MUC5AC: variants seen among roughly 807,000 people sequenced by gnomAD.
MUC5AC encodes the protein mucin 5AC, oligomeric mucus/gel-forming, also known as mucin-5AC.
A neutral mutation model predicts 169.7 loss-of-function variants in MUC5AC; 158 were observed. That is an observed-to-expected ratio of 0.93 (90% confidence interval 0.82 to 1.06). The LOEUF (loss-of-function observed/expected upper bound fraction) is 1.06. MUC5AC is among the 50% of genes least tolerant of loss of function. MUC5AC has a pLI of 0.00. For synonymous variants in MUC5AC, 1,975 were observed against 1,237.0 expected, an observed-to-expected ratio of 1.60 and a Z score of -12.52; for missense variants, 4,359 against 3,089.9, an observed-to-expected ratio of 1.41 and a Z score of -9.74.
intron 15 of MUC5AC, among the ~76,000 whole-genome samples, chr11:1,171,817 C>A (rs934407700): frequency 6.7e-6 from 1 of 148,338 alleles, no homozygotes; most frequent in African/African-American, 2.5e-5. Flanking sequence ...TTCACTCACT[C>A]ACCCACTCAC....
intron 31 of MUC5AC, 105 bp from the exon 32 acceptor site, chr11:1,192,678 T>C: frequency 2.9e-6 from 2 of 686,770 alleles, no homozygotes; most frequent in Non-Finnish European, 5.3e-6. Flanking sequence ...TGAAATTTTT[T>C]CCCATTACAC....
rs766697189 is a variant in MUC5AC, at chr11:1,196,047, C to T, written c.15630C>T (p.His5210=). 1.3e-6 allele frequency: 1 copy of T among 764,248 alleles called. No individual in the cohort carries two copies. Among genetic ancestry groups the T allele is most frequent in the South Asian group, 1.3e-5 (1 of 74,522 alleles). The allele number at this position is 764,248 out of a possible 1,614,324, so 47.3% of individuals were successfully genotyped here. ...ICIDWRGRTG[H]MCPFTCPADK... is the part of the protein sequence containing the mutation. ...TCGATTGGAGAGGCCGGACCGGCCA[C>T]ATGTGCCGTGAGTGCCACCACTGTC... The change falls in exon 37 of 49, where the codon CAC becomes CAT. Residue 5210 remains histidine, a synonymous_variant. Transcript: ENST00000621226.
intron 1 of MUC5AC, among the ~76,000 whole-genome samples, chr11:1,159,638 C>T (rs1254980358): frequency 1.1e-5 from 1 of 91,498 alleles, no homozygotes; most frequent in African/African-American, 4.5e-5. Flanking sequence ...ACCATGCTGG[C>T]TCTGTGCAGG....
intron 30 of MUC5AC, among the ~76,000 whole-genome samples, chr11:1,181,943 T>C (rs1210945915): frequency 2.0e-5 from 3 of 152,224 alleles, no homozygotes; most frequent in Non-Finnish European, 2.9e-5. Context: ...GCTCAGGGCA[T>C]GGCCTGGGAG....
At chr11:1,161,340 G>A (rs1305030161) in intron 2 of MUC5AC, among the ~76,000 whole-genome samples, 187 bp from the exon 3 acceptor site, 5 of 146,986 alleles carry the variant, frequency 3.4e-5, no homozygotes, top group Admixed American at 6.8e-5. Context: ...AACGCAGGGT[G>A]TGTGGTCACA....
Position 1,189,455 on chromosome 11 carries a change from T to C in MUC5AC, c.11310T>C (p.Ala3770=). 1 of 553,034 alleles carries C rather than the reference T, an allele frequency of 1.8e-6. No individual in the cohort carries two copies. 34.3% of individuals were successfully genotyped at this position (553,034 alleles called of 1,614,324 possible). A position where few individuals can be genotyped will look rare whatever the true frequency, so the allele number is the denominator to read the frequency against. The change falls in exon 31 of 49, where the codon GCT becomes GCC. Residue 3770 remains alanine, a synonymous_variant. Transcript: ENST00000621226. The part of the protein sequence containing the change: ...TTSAPTSTSS[A]PTTNTTSAPT... ...CAGCTCCTACGAGCACTTCCTCGGC[T>C]CCTACAACCAACACAACCTCTGCCC...
rs1307620547 is a variant in MUC5AC at position 1,182,777 on chromosome 11, A to G, written c.4632A>G (p.Pro1544=). ...KKTFSTPSPP[P]VPATSTSSMS... ...CTTTCTCAACTCCCAGCCCTCCGCCAGTGCCGGCAACATCAACATCATCCA... is the reference window on the plus strand; with the variant it reads ...CTTTCTCAACTCCCAGCCCTCCGCCGGTGCCGGCAACATCAACATCATCCA... The change falls in exon 31 of 49, where the codon CCA becomes CCG. Residue 1544 remains proline, a synonymous_variant. Transcript: ENST00000621226. 1 of 398,056 alleles carries G rather than the reference A, an allele frequency of 2.5e-6. No individual in the cohort carries two copies. The highest frequency in any genetic ancestry group is 3.6e-5 in the East Asian group (1 of 28,000). The allele number at this position is 398,056 out of a possible 1,614,324, so 24.7% of individuals were successfully genotyped here. A position where few individuals can be genotyped will look rare whatever the true frequency, so the allele number is the denominator to read the frequency against.
Position 1,188,806 on chromosome 11 carries a change from G to C in MUC5AC, c.10661G>C (p.Gly3554Ala). The C allele has an allele frequency of 2.7e-6, 2 of 754,188 alleles. No individual in the cohort carries two copies. Among genetic ancestry groups the C allele is most frequent in the Non-Finnish European group, 2.4e-6 (1 of 411,872 alleles). 46.7% of individuals were successfully genotyped at this position (754,188 alleles called of 1,614,324 possible). The part of the protein sequence containing the change: ...KETYNNIIRS[G>A]EKICRRPEEI... ...ACCTACAACAACATCATCAGGAGTGGGGAAAAAATCTGCCGCCGACCTGAG... is the reference window on the plus strand; with the variant it reads ...ACCTACAACAACATCATCAGGAGTGCGGAAAAAATCTGCCGCCGACCTGAG... Residue 3554 changes from glycine (G) to alanine (A), a missense_variant, in exon 31 of 49, where the codon GGG becomes GCG. Physicochemically the swap from Gly to Ala is moderately conservative, Grantham distance 60 (BLOSUM62 0). Coordinates refer to ENST00000621226, the MANE Select transcript of MUC5AC (RefSeq NM_001304359.2).
intron 1 of MUC5AC, among the ~76,000 whole-genome samples, chr11:1,159,890 GGGGC>G (rs1860085398): frequency 2.9e-5 from 4 of 136,278 alleles, no homozygotes; most frequent in Non-Finnish European, 6.4e-5. Flanking sequence ...GTGTGGGGCT[GGGGC>G]TGGTCCCACC....
At position 1,197,636 on chromosome 11, in the gene MUC5AC, T is replaced by A; in HGVS notation, c.16030T>A (p.Cys5344Ser). Reference protein sequence around the residue: ...QAGQCCPQYSCACNTSRCPAP... With the variant: ...QAGQCCPQYSSACNTSRCPAP... ...CGGCCAGTGCTGCCCCCAGTACAGCTGCGGTAAGCCCTTTGCTGGGTGAGG... is the reference window on the plus strand; with the variant it reads ...CGGCCAGTGCTGCCCCCAGTACAGCAGCGGTAAGCCCTTTGCTGGGTGAGG... The change falls in exon 41 of 49, where the codon TGC becomes AGC. Residue 5344 changes from cysteine (C) to serine (S), a missense_variant. Coordinates refer to ENST00000621226, the MANE Select transcript of MUC5AC (RefSeq NM_001304359.2). 1.4e-6 allele frequency: 1 copy of A among 712,420 alleles called. No homozygotes were observed. The highest frequency in any genetic ancestry group is 1.5e-5 in the South Asian group (1 of 68,244). 44.1% of individuals were successfully genotyped at this position (712,420 alleles called of 1,614,324 possible).
At position 1,189,354 on chromosome 11, in the gene MUC5AC, A is replaced by G. The variant is rs1165419636; in HGVS notation, c.11209A>G (p.Ile3737Val). 1.6e-5 allele frequency: 9 copies of G among 569,670 alleles called. No homozygotes were observed. Among genetic ancestry groups the G allele is most frequent in the African/African-American group, 5.6e-5 (3 of 53,110 alleles). The allele number at this position is 569,670 out of a possible 1,614,324, so 35.3% of individuals were successfully genotyped here. The change falls in exon 31 of 49, where the codon ATC becomes GTC. Residue 3737 changes from isoleucine to valine, a missense_variant. Ile to Val is a conservative substitution (Grantham distance 29). Transcript: ENST00000621226. ...STTSAPTTST[I>V]SAPTTSTISA... ...AACCTCGGCTCCTACCACCAGCACA[A>G]TCTCTGCCCCTACAACCAGCACAAT...
intron 16 of MUC5AC, 120 bp downstream of exon 16, chr11:1,172,643 G>A: frequency 2.5e-6 from 1 of 397,908 alleles, no homozygotes; most frequent in Non-Finnish European, 4.4e-6. Context: ...TCTAGGCTGT[G>A]ATGGGCACCA....
intron 46 of MUC5AC, 80 bp downstream of exon 46, chr11:1,199,570 C>T (rs28502687): frequency 0.57 from 394,184 of 692,664 alleles, 114,724 homozygotes; most frequent in East Asian, 0.65. Flanking sequence ...ATCCCTGCAG[C>T]GCCAGCAGAC....
In MUC5AC at chr11:1,193,506, C is replaced by A; in HGVS notation, c.14602C>A (p.Pro4868Thr). ...GCAGAAAGGTGAGACCTGGGCCACA[C>A]CCAACTGCTCCGAGGCCACCTGTGA... ...PRKKGETWAT[P>T]NCSEATCEGN... Residue 4868 changes from proline to threonine, a missense_variant, in exon 33 of 49, where the codon CCC becomes ACC. Physicochemically the swap from Pro to Thr is conservative, Grantham distance 38. Transcript: ENST00000621226. The A allele has an allele frequency of 1.3e-6, 1 of 750,078 alleles. No individual in the cohort carries two copies. Among genetic ancestry groups the A allele is most frequent in the Non-Finnish European group, 2.4e-6 (1 of 411,120 alleles). The allele number at this position is 750,078 out of a possible 1,614,324, so 46.5% of individuals were successfully genotyped here.
At chr11:1,160,235 C>G (rs982383989) in intron 1 of MUC5AC, among the ~76,000 whole-genome samples, 1 of 152,244 alleles carries the variant, frequency 6.6e-6, no homozygotes. Flanking sequence ...TTGACTGCTC[C>G]AGCCCCTCAG....
chr11:1,197,383 C>T, intron 40 of MUC5AC, 85 bp from the exon 41 acceptor site: 1 of 673,748 alleles, frequency 1.5e-6, no homozygotes, highest in African/African-American at 1.8e-5. Flanking sequence ...CACCTGGCTG[C>T]CCCGGCACTG....
rs1399225592 is a variant in MUC5AC at position 1,187,207 on chromosome 11, C to A, written c.9062C>A (p.Thr3021Asn). The A allele has an allele frequency of 5.7e-6, 4 of 701,338 alleles. No individual in the cohort carries two copies. The highest frequency in any genetic ancestry group is 2.0e-5 in the Admixed American group (1 of 48,838). 43.4% of individuals were successfully genotyped at this position (701,338 alleles called of 1,614,324 possible). A position where few individuals can be genotyped will look rare whatever the true frequency, so the allele number is the denominator to read the frequency against. ...CCCTCTGCCCCTACAACCAGCACAA[C>A]CTTAGCTCCTACAACCAGCACAACC... ...STPSAPTTST[T>N]LAPTTSTTSA... is the part of the protein sequence containing the mutation. The change falls in exon 31 of 49, where the codon ACC becomes AAC. Residue 3021 changes from threonine (T) to asparagine (N), a missense_variant. Coordinates refer to ENST00000621226, the MANE Select transcript of MUC5AC (RefSeq NM_001304359.2).
Position 1,185,999 on chromosome 11 carries a change from C to G in MUC5AC, c.7854C>G (p.Ser2618Arg). Reference protein sequence around the residue: ...PTTSTNSAPISSTTSATTTSR... With the variant: ...PTTSTNSAPIRSTTSATTTSR... The stretch of plus-strand genomic sequence containing the variant: ...CCAGCACAAACTCTGCCCCTATAAG[C>G]AGCACAACCTCTGCCACTACAACCA... The change falls in exon 31 of 49, where the codon AGC becomes AGG. Residue 2618 changes from serine (S) to arginine (R), a missense_variant. By Grantham distance (110) the Ser-to-Arg change is moderately radical (BLOSUM62 -1). Coordinates refer to ENST00000621226, the MANE Select transcript of MUC5AC (RefSeq NM_001304359.2). 1.4e-6 allele frequency: 1 copy of G among 728,924 alleles called. No individual in the cohort carries two copies. Among genetic ancestry groups the G allele is most frequent in the Non-Finnish European group, 2.5e-6 (1 of 399,426 alleles). 45.2% of individuals were successfully genotyped at this position (728,924 alleles called of 1,614,324 possible).
Position 1,197,516 on chromosome 11 carries a change from G to A in MUC5AC, c.15910G>A (p.Ala5304Thr). ...MDCQECTCEA[A>T]TWTLTCRPKL... The stretch of plus-strand genomic sequence containing the variant: ...CTGCCAGGAGTGCACGTGTGAGGCG[G>A]CCACGTGGACGCTGACCTGCCGACC... The change falls in exon 41 of 49, where the codon GCC (alanine) becomes ACC (threonine). Residue 5304 changes from alanine to threonine, a missense_variant. Transcript: ENST00000621226. 1.4e-6 allele frequency: 1 copy of A among 717,170 alleles called. No individual in the cohort carries two copies. Among genetic ancestry groups the A allele is most frequent in the Non-Finnish European group, 2.5e-6 (1 of 394,898 alleles). The allele number at this position is 717,170 out of a possible 1,614,324, so 44.4% of individuals were successfully genotyped here.
Sources: allele counts gnomAD v4.1 joint callset (sites outside exome capture counted in the v4.1 genomes callset), GRCh38; gene constraint gnomAD v4.1.1; transcripts MANE v1.5; gene names NCBI Gene and HGNC (gene_info 2026-07-23, HGNC 2026-07-21).